PRELID2: variants seen among roughly 807,000 people sequenced by gnomAD.
PRELID2 encodes the protein PRELI domain-containing protein 2.
Under a neutral mutation model 28.4 loss-of-function variants are expected in PRELID2, and 25 were observed. The ratio of observed to expected loss-of-function variants is 0.88; its 90% confidence interval spans 0.64 to 1.23. The LOEUF is 1.23. PRELID2 is among the 50% of genes most tolerant of loss of function. The pLI, the probability that PRELID2 is intolerant of heterozygous loss-of-function variation, is 0.00. For synonymous variants in PRELID2, 76 were observed against 71.6 expected, an observed-to-expected ratio of 1.06 and a Z score of -0.31; for missense variants, 201 against 214.4, an observed-to-expected ratio of 0.94 and a Z score of 0.39.
the PRELID2 span, among the ~76,000 whole-genome samples, chr5:145,406,095 G>C: frequency 2.0e-5 from 3 of 152,018 alleles, no homozygotes; most frequent in Admixed American, 6.6e-5. Flanking sequence ...AACCATTTAT[G>C]AGCAATCTAA....
chr5:145,389,969 A>T, the PRELID2 span, among the ~76,000 whole-genome samples: 6 of 152,362 alleles, frequency 3.9e-5, no homozygotes, highest in East Asian at 1.2e-3. Context: ...TATTCAACAA[A>T]CATTTACTGA....
At chr5:145,652,125 G>C (rs1754309295) in intron 1 of PRELID2, among the ~76,000 whole-genome samples, 1 of 152,148 alleles carries the variant, frequency 6.6e-6, no homozygotes, top group African/African-American at 2.4e-5. Context: ...TTCAGTAGCA[G>C]AATCAATCAA....
At chr5:145,685,628 T>A (rs1755023919) in intron 1 of PRELID2, among the ~76,000 whole-genome samples, 1 of 152,088 alleles carries the variant, frequency 6.6e-6, no homozygotes, top group Non-Finnish European at 1.5e-5. Context: ...TAAAACATTG[T>A]CTATGAGTGT....
chr5:145,331,510 T>C, the PRELID2 span, among the ~76,000 whole-genome samples: 1 of 152,210 alleles, frequency 6.6e-6, no homozygotes, highest in East Asian at 1.9e-4. Context: ...CATTAATCCC[T>C]TCATGACTAT....
intron 1 of PRELID2, among the ~76,000 whole-genome samples, chr5:145,532,559 G>A (rs947590991): frequency 6.6e-6 from 1 of 152,010 alleles, no homozygotes; most frequent in Non-Finnish European, 1.5e-5. Context: ...TAGATCTGCA[G>A]AATGTATTCC....
At chr5:145,340,341 G>T in the PRELID2 span, among the ~76,000 whole-genome samples, 4 of 152,060 alleles carry the variant, frequency 2.6e-5, no homozygotes, top group African/African-American at 9.7e-5. Context: ...CATGGGTTCC[G>T]GTAGGTTGCT....
chr5:145,564,330 C>A (rs964922), intron 1 of PRELID2, among the ~76,000 whole-genome samples: 11,079 of 152,234 alleles, frequency 0.073, 610 homozygotes, highest in Admixed American at 0.19. Flanking sequence ...ACTTTCTTGC[C>A]ACCTCATCTC....
At chr5:145,401,283 A>G in the PRELID2 span, among the ~76,000 whole-genome samples, 116 of 152,088 alleles carry the variant, frequency 7.6e-4, no homozygotes, top group Middle Eastern at 6.8e-3. Context: ...AAATATGAAT[A>G]AAGAGGGTAG....
chr5:145,316,810 G>T, the PRELID2 span, among the ~76,000 whole-genome samples: 1 of 152,150 alleles, frequency 6.6e-6, no homozygotes, highest in Non-Finnish European at 1.5e-5. Context: ...ACAGAGTTCT[G>T]CAAAAGCCAC....
chr5:145,771,710 C>G (rs1246190826), intron 5 of PRELID2, among the ~76,000 whole-genome samples: 2 of 151,990 alleles, frequency 1.3e-5, no homozygotes, highest in African/African-American at 4.8e-5. Context: ...ACAAAATTAG[C>G]TGGGTGTGGT....
the PRELID2 span, among the ~76,000 whole-genome samples, chr5:145,371,433 G>C: frequency 3.3e-5 from 5 of 152,112 alleles, no homozygotes; most frequent in Non-Finnish European, 5.9e-5. Flanking sequence ...AGTGTATGTT[G>C]AACCAGGCTT....
At chr5:145,511,864 C>T (rs1302632140) in intron 1 of PRELID2, among the ~76,000 whole-genome samples, 1 of 152,146 alleles carries the variant, frequency 6.6e-6, no homozygotes, top group Non-Finnish European at 1.5e-5. Context: ...GCCTCTCTAG[C>T]CTCCATAGTG....
At chr5:145,602,050 T>A (rs1166747412) in intron 1 of PRELID2, among the ~76,000 whole-genome samples, 1 of 152,230 alleles carries the variant, frequency 6.6e-6, no homozygotes, top group Admixed American at 6.5e-5. Flanking sequence ...GTTTTTATTT[T>A]CTGGCACTGC....
chr5:145,405,335 CTA>C, the PRELID2 span, among the ~76,000 whole-genome samples: 1 of 152,216 alleles, frequency 6.6e-6, no homozygotes, highest in Admixed American at 6.5e-5. Flanking sequence ...GGGTCCCCAC[CTA>C]TGTTAGTTAA....
chr5:145,740,863 TTTATCG>T (rs1756681151), intron 1 of PRELID2, among the ~76,000 whole-genome samples: 1 of 53,536 alleles, frequency 1.9e-5, no homozygotes, highest in Non-Finnish European at 3.6e-5. Context: ...TGTACATATA[TTTATCG>T]ATAAATATAT....
intron 1 of PRELID2, among the ~76,000 whole-genome samples, chr5:145,834,098 T>C (rs1039361376): frequency 1.3e-5 from 2 of 152,216 alleles, no homozygotes; most frequent in Non-Finnish European, 1.5e-5. Context: ...CTCCTCAGTA[T>C]TGAGGAAGAG....
At chr5:145,584,538 G>A (rs1246790165) in intron 1 of PRELID2, among the ~76,000 whole-genome samples, 1 of 151,968 alleles carries the variant, frequency 6.6e-6, no homozygotes, top group Non-Finnish European at 1.5e-5. Flanking sequence ...CCATCCATCT[G>A]ACAAAGGTCT....
intron 5 of PRELID2, among the ~76,000 whole-genome samples, chr5:145,777,810 C>T (rs1228634668): frequency 7.9e-5 from 12 of 152,196 alleles, no homozygotes; most frequent in Admixed American, 7.9e-4. Context: ...TCCCTACACT[C>T]TTGGGGGCCA....
the PRELID2 span, among the ~76,000 whole-genome samples, chr5:145,463,336 T>C: frequency 8.4e-6 from 1 of 119,304 alleles, no homozygotes; most frequent in African/African-American, 3.1e-5. Flanking sequence ...AAGCATCCTA[T>C]TTGAAGTTTT....
Sources: gnomAD v4.1 joint callset for allele counts (sites outside exome capture counted in the v4.1 genomes callset) on GRCh38, gnomAD v4.1.1 for gene constraint, MANE v1.5 for transcripts, NCBI Gene and HGNC (gene_info 2026-07-23, HGNC 2026-07-21) for gene names.